EYA1: variants seen among roughly 807,000 people sequenced by gnomAD.
The protein encoded by EYA1 is protein phosphatase EYA1.
A neutral mutation model predicts 82.0 loss-of-function variants in EYA1; 16 were observed. That is an observed-to-expected ratio of 0.20 (90% CI 0.13 to 0.30). The LOEUF (loss-of-function observed/expected upper bound fraction) is 0.30. Ranked by LOEUF, EYA1 falls within the 10% of genes least tolerant of loss-of-function variation. The probability of loss-of-function intolerance (pLI) is 1.00; values close to 1 mark genes in which losing one functional copy is unlikely to be tolerated. For synonymous variants in EYA1, 261 were observed against 264.4 expected (o/e 0.99, Z 0.12); for missense variants, 633 against 730.7 (o/e 0.87, Z 1.54).
chr8:71,281,540 A>G (rs1423527271), intron 9 of EYA1, among the ~76,000 whole-genome samples: 2 of 152,250 alleles, frequency 1.3e-5, no homozygotes, highest in East Asian at 3.8e-4. Flanking sequence ...TAAACATCTG[A>G]AAGAGGAAAA....
intron 11 of EYA1, among the ~76,000 whole-genome samples, chr8:71,246,140 AT>A (rs1343439349): frequency 2.6e-5 from 4 of 152,220 alleles, no homozygotes; most frequent in Admixed American, 1.3e-4. Context: ...TATAAAATGA[AT>A]TTTTTAAGGG....
intron 17 of EYA1, among the ~76,000 whole-genome samples, chr8:71,205,205 A>AT (rs912724258): frequency 2.0e-5 from 3 of 152,090 alleles, no homozygotes; most frequent in Non-Finnish European, 4.4e-5. Context: ...GATGCTTGCC[A>AT]TTTTTTCTCC....
intron 2 of EYA1, among the ~76,000 whole-genome samples, chr8:71,436,573 T>G (rs1473857981): frequency 6.6e-6 from 1 of 152,120 alleles, no homozygotes; most frequent in Non-Finnish European, 1.5e-5. Context: ...CACATAAACA[T>G]CTGCAGCGGA....
intron 9 of EYA1, among the ~76,000 whole-genome samples, chr8:71,278,736 A>T (rs1263397037): frequency 6.6e-6 from 1 of 152,212 alleles, no homozygotes; most frequent in East Asian, 1.9e-4. Context: ...GCACGACATG[A>T]AGGCCTGGTT....
At chr8:71,499,211 G>A (rs1349182007) in intron 2 of EYA1, among the ~76,000 whole-genome samples, 1 of 152,192 alleles carries the variant, frequency 6.6e-6, no homozygotes, top group Non-Finnish European at 1.5e-5. Context: ...ACCTCTCACT[G>A]CTAGAGTCAG....
chr8:71,337,518 T>C (rs976954435), intron 3 of EYA1, among the ~76,000 whole-genome samples: 2 of 152,300 alleles, frequency 1.3e-5, no homozygotes, highest in East Asian at 3.9e-4. Context: ...TCTCTAGATA[T>C]GAAATGATCT....
At chr8:71,275,089 G>T (rs1184557683) in intron 9 of EYA1, among the ~76,000 whole-genome samples, 7 of 152,166 alleles carry the variant, frequency 4.6e-5, no homozygotes, top group Non-Finnish European at 7.4e-5. Flanking sequence ...ACAACGGAGT[G>T]GGGGCTCACA....
chr8:71,299,320 G>A, intron 8 of EYA1, 87 bp from the exon 9 acceptor site: 1 of 1,395,968 alleles, frequency 7.2e-7, no homozygotes, highest in Non-Finnish European at 1.0e-6. Context: ...AGTATGTTTG[G>A]GTTTCTGAGC....
intron 2 of EYA1, among the ~76,000 whole-genome samples, chr8:71,406,365 G>C (rs1586650834): frequency 6.6e-6 from 1 of 152,310 alleles, no homozygotes; most frequent in Non-Finnish European, 1.5e-5. Flanking sequence ...GTTGTTGAGG[G>C]AGGAGCCAAG....
At chr8:71,421,675 A>T (rs1831156748) in intron 2 of EYA1, among the ~76,000 whole-genome samples, 1 of 152,168 alleles carries the variant, frequency 6.6e-6, no homozygotes, top group South Asian at 2.1e-4. Flanking sequence ...GCAGCAGTCA[A>T]CCATAGGTTA....
intron 2 of EYA1, among the ~76,000 whole-genome samples, chr8:71,433,564 A>C (rs1444169590): frequency 6.6e-6 from 1 of 152,228 alleles, no homozygotes; most frequent in African/African-American, 2.4e-5. Context: ...TTATCAAGGA[A>C]GTACTAAGTT....
chr8:71,207,613 G>A (rs1027297072), intron 17 of EYA1, among the ~76,000 whole-genome samples: 5 of 152,100 alleles, frequency 3.3e-5, no homozygotes, highest in Non-Finnish European at 7.4e-5. Context: ...TATGTTTTCT[G>A]CAGGTGGCTG....
intron 3 of EYA1, among the ~76,000 whole-genome samples, chr8:71,348,041 T>C (rs1290873482): frequency 1.3e-5 from 2 of 152,186 alleles, no homozygotes; most frequent in Non-Finnish European, 2.9e-5. Context: ...TACTATAGTA[T>C]AGGCAATATT....
intron 9 of EYA1, among the ~76,000 whole-genome samples, chr8:71,276,226 C>T: frequency 6.6e-6 from 1 of 152,296 alleles, no homozygotes; most frequent in South Asian, 2.1e-4. Context: ...TAATAATAAA[C>T]AGTTAGTGGA....
Position 71,437,068 on chromosome 8 carries a change from A to ATC in EYA1, c.34-80558_34-80557insGA, listed in dbSNP as rs1358169893. ...TGTGTATATCTACATATATATATAT[A>ATC]TATCTCCATCTTGTTTATATATATA... On this transcript the variant is annotated intron_variant, in intron 2 of 18. Coordinates refer to the EYA1 transcript ENST00000643681. Among the ~76,000 whole-genome samples, 5 of 141,152 alleles carry ATC rather than the reference A, an allele frequency of 3.5e-5. No individual in the cohort carries two copies. In the East Asian group the frequency reaches 7.8e-4, roughly 22 times the overall value. 92.6% of individuals were successfully genotyped at this position (141,152 alleles called of 152,430 possible). A position where few individuals can be genotyped will look rare whatever the true frequency, so the allele number is the denominator to read the frequency against.
intron 2 of EYA1, among the ~76,000 whole-genome samples, chr8:71,367,725 C>G (rs1456717574): frequency 2.0e-5 from 3 of 152,132 alleles, no homozygotes; most frequent in Non-Finnish European, 4.4e-5. Context: ...GGTATACAAC[C>G]TGGAGGTTTC....
intron 9 of EYA1, among the ~76,000 whole-genome samples, chr8:71,274,956 A>ACGAGAG (rs1816982070): frequency 6.6e-6 from 1 of 151,566 alleles, no homozygotes; most frequent in Admixed American, 6.6e-5. Context: ...AAGCGAGTGA[A>ACGAGAG]CAAGCGCAAG....
Position 71,392,914 on chromosome 8 carries a change from G to GTAA in EYA1, c.34-36406_34-36404dup, listed in dbSNP as rs542976483. Among the ~76,000 whole-genome samples the GTAA allele has an allele frequency of 4.1e-4, 62 of 152,020 alleles. 1 individual carries two copies. In the East Asian group the frequency reaches 0.011, roughly 28 times the overall value. ...CTCCTCATTTTTCTATTTTATGTTT[G>GTAA]TAATTTACCTAGGGCTCTCTAGCAC... On this transcript the variant is annotated intron_variant, in intron 2 of 18. Transcript: ENST00000643681.
In EYA1 at chr8:71,299,223, G is replaced by C; in HGVS notation, c.650C>G (p.Ser217Cys). 6.2e-7 allele frequency: 1 copy of C among 1,614,088 alleles called. No individual in the cohort carries two copies. The highest frequency in any genetic ancestry group is 8.5e-7 in the Non-Finnish European group (1 of 1,179,958). Residue 217 changes from serine (S) to cysteine (C), a missense_variant, in exon 9 of 18, where the codon TCT becomes TGT. By Grantham distance (112) the Ser-to-Cys change is moderately radical. Transcript: ENST00000340726. Reference protein sequence around the residue: ...GFNSSQQDYPSYPSFGQGQYA... With the variant: ...GFNSSQQDYPCYPSFGQGQYA... ...CTGACCCTGGCCAAAACTGGGATAAGACGGATAGTCCTACCAAATCAAACC... is the reference window on the plus strand; with the variant it reads ...CTGACCCTGGCCAAAACTGGGATAACACGGATAGTCCTACCAAATCAAACC...
Sources: allele counts gnomAD v4.1 joint callset (sites outside exome capture counted in the v4.1 genomes callset), GRCh38; gene constraint gnomAD v4.1.1; transcripts MANE v1.5; gene names NCBI Gene and HGNC (gene_info 2026-07-23, HGNC 2026-07-21).